PRKAA2: variants seen among roughly 807,000 people sequenced by gnomAD.
PRKAA2 encodes the protein protein kinase AMP-activated catalytic subunit alpha 2, also known as 5'-AMP-activated protein kinase catalytic subunit alpha-2.
A neutral mutation model predicts 56.3 loss-of-function variants in PRKAA2; 40 were observed. The observed-to-expected ratio is 0.71, with a 90% CI of 0.55 to 0.92. PRKAA2 has a LOEUF of 0.92. PRKAA2 is among the 40% of genes least tolerant of loss of function. The probability of loss-of-function intolerance (pLI) is 0.00; values close to 1 mark genes in which losing one functional copy is unlikely to be tolerated. For missense variants in PRKAA2, 542 were observed against 686.9 expected (o/e 0.79, Z 2.36); for synonymous variants, 214 against 234.2 (o/e 0.91, Z 0.79).
intron 7 of PRKAA2, among the ~76,000 whole-genome samples, chr1:56,705,223 A>G (rs2100438573): frequency 6.6e-6 from 1 of 152,310 alleles, no homozygotes; most frequent in East Asian, 1.9e-4. Flanking sequence ...TATTATTTGT[A>G]CATGAAATGA....
chr1:56,700,014 C>T (rs1644283740), intron 6 of PRKAA2, among the ~76,000 whole-genome samples: 1 of 152,062 alleles, frequency 6.6e-6, no homozygotes, highest in African/African-American at 2.4e-5. Context: ...TGAATTGTTT[C>T]TAATTTGTGG....
chr1:56,673,360 C>A (rs576711567), intron 1 of PRKAA2, among the ~76,000 whole-genome samples: 1 of 152,178 alleles, frequency 6.6e-6, no homozygotes, highest in East Asian at 1.9e-4. Context: ...GATAACAAAA[C>A]AATACCCTGT....
At position 56,707,708 on chromosome 1, in the gene PRKAA2, C is replaced by T. The variant is rs555212847; in HGVS notation, c.1654C>T (p.Arg552Cys). ...MCASLITTLA[R>C] ...TGCCAGTCTGATTACTACTTTAGCC[C>T]GTTGATCTGTCTCTAGTTTCTTTCT... The change falls in exon 9 of 9, where the codon CGT (arginine) becomes TGT (cysteine). Residue 552 changes from arginine (R) to cysteine (C), a missense_variant. This residue lies in a region of PRKAA2 where 158 missense variants were observed against 166.1 expected (regional missense o/e 0.95). Transcript: ENST00000371244. The T allele has an allele frequency of 2.7e-5, 43 of 1,582,614 alleles. No homozygotes were observed. Among genetic ancestry groups the T allele is most frequent in the Middle Eastern group, 1.7e-4 (1 of 5,996 alleles).
intron 2 of PRKAA2, among the ~76,000 whole-genome samples, chr1:56,686,165 G>A (rs1410620922): frequency 1.3e-5 from 2 of 152,174 alleles, no homozygotes; most frequent in Admixed American, 1.3e-4. Flanking sequence ...AATAAGAAAA[G>A]TACTGTCAAC....
intron 1 of PRKAA2, among the ~76,000 whole-genome samples, chr1:56,648,332 G>A (rs1646660580): frequency 6.6e-6 from 1 of 152,126 alleles, no homozygotes; most frequent in South Asian, 2.1e-4. Context: ...CATCTTTTGT[G>A]TCGAGCTTCT....
intron 1 of PRKAA2, among the ~76,000 whole-genome samples, chr1:56,671,694 C>G (rs754155033): frequency 1.3e-5 from 2 of 152,164 alleles, no homozygotes; most frequent in Non-Finnish European, 2.9e-5. Context: ...GTTTGGAGTA[C>G]TCTGACTGAG....
At chr1:56,696,620 A>G (rs925698799) in intron 6 of PRKAA2, among the ~76,000 whole-genome samples, 5 of 152,200 alleles carry the variant, frequency 3.3e-5, no homozygotes, top group African/African-American at 7.2e-5. Context: ...GCCTGGAAAG[A>G]TGGTATGCTT....
chr1:56,649,163 T>C (rs1395561898), intron 1 of PRKAA2, among the ~76,000 whole-genome samples: 1 of 152,230 alleles, frequency 6.6e-6, no homozygotes, highest in Admixed American at 6.5e-5. Flanking sequence ...TTTTATGTTT[T>C]CTTGTAAATA....
chr1:56,664,855 T>TACACAC (rs67041631), intron 1 of PRKAA2, among the ~76,000 whole-genome samples: 12,431 of 139,804 alleles, frequency 0.089, 576 homozygotes, highest in Non-Finnish European at 0.11. Context: ...AGTATATGTG[T>TACACAC]ACACACACAC....
At chr1:56,687,878 C>T (rs189832088) in intron 2 of PRKAA2, among the ~76,000 whole-genome samples, 9 of 152,000 alleles carry the variant, frequency 5.9e-5, no homozygotes, top group African/African-American at 1.7e-4. Context: ...CCTAAAAATG[C>T]GTATAACTTG....
chr1:56,703,155 A>C (rs925571015), intron 6 of PRKAA2, among the ~76,000 whole-genome samples: 1 of 152,202 alleles, frequency 6.6e-6, no homozygotes, highest in Non-Finnish European at 1.5e-5. Context: ...GTGTGAGAAA[A>C]TAAGGCTTAG....
At chr1:56,658,060 T>A (rs1238305717) in intron 1 of PRKAA2, among the ~76,000 whole-genome samples, 1 of 152,208 alleles carries the variant, frequency 6.6e-6, no homozygotes, top group Non-Finnish European at 1.5e-5. Flanking sequence ...GTCCTTGCTT[T>A]GTTTGGGAAA....
intron 2 of PRKAA2, among the ~76,000 whole-genome samples, chr1:56,678,682 G>A (rs1305280659): frequency 7.1e-6 from 1 of 140,524 alleles, no homozygotes; most frequent in Non-Finnish European, 1.5e-5. Flanking sequence ...TGGTAGAGAT[G>A]ATCTTGTCTA....
intron 1 of PRKAA2, among the ~76,000 whole-genome samples, chr1:56,655,280 A>ATATTT: frequency 2.1e-5 from 2 of 93,680 alleles, no homozygotes; most frequent in African/African-American, 9.1e-5. Context: ...ATATATATAT[A>ATATTT]TTTTTTTTTT....
intron 6 of PRKAA2, among the ~76,000 whole-genome samples, chr1:56,700,406 C>A (rs887823942): frequency 5.3e-5 from 8 of 152,104 alleles, no homozygotes; most frequent in Admixed American, 2.0e-4. Flanking sequence ...CAAAATCTGC[C>A]AGTGGTGAGA....
At chr1:56,666,174 C>T (rs941408463) in intron 1 of PRKAA2, among the ~76,000 whole-genome samples, 2 of 152,146 alleles carry the variant, frequency 1.3e-5, no homozygotes, top group African/African-American at 4.8e-5. Context: ...GTTAGTCATG[C>T]ATTTTTTTTC....
intron 8 of PRKAA2, 71 bp downstream of exon 8, chr1:56,706,289 A>G: frequency 1.3e-6 from 2 of 1,552,024 alleles, no homozygotes; most frequent in Non-Finnish European, 1.7e-6. Flanking sequence ...TGTTAAAATC[A>G]TCTCGAAGAC....
chr1:56,647,524 C>T (rs578008428), intron 1 of PRKAA2, among the ~76,000 whole-genome samples: 8 of 152,220 alleles, frequency 5.3e-5, no homozygotes, highest in South Asian at 2.1e-4. Context: ...AAAATATAAA[C>T]AGAAAGAACT....
chr1:56,699,753 T>A (rs1488208750), intron 6 of PRKAA2, among the ~76,000 whole-genome samples: 1 of 152,168 alleles, frequency 6.6e-6, no homozygotes, highest in Non-Finnish European at 1.5e-5. Context: ...TAATAGTCAC[T>A]CCCCATTTCC....
Sources: gnomAD v4.1 joint callset for allele counts (sites outside exome capture counted in the v4.1 genomes callset) on GRCh38, gnomAD v4.1.1 for gene constraint, gnomAD v4.1.1 regional missense constraint, MANE v1.5 for transcripts, NCBI Gene and HGNC (gene_info 2026-07-23, HGNC 2026-07-21) for gene names.